The following ERCC6L2 variants were observed in gnomAD, a reference collection of about 807,000 sequenced individuals.
ERCC6L2 encodes the protein DNA excision repair protein ERCC-6-like 2.
In ERCC6L2, 77 loss-of-function variants were observed where a neutral mutation model predicts 132.0. The ratio of observed to expected loss-of-function variants is 0.58; its 90% CI spans 0.49 to 0.71. ERCC6L2 has a LOEUF of 0.71. ERCC6L2 is among the 30% of genes least tolerant of loss of function. ERCC6L2 has a pLI of 0.00. For missense variants in ERCC6L2, 1,542 were observed against 1,837.6 expected, an observed-to-expected ratio of 0.84 and a Z score of 2.94; for synonymous variants, 583 against 632.4, an observed-to-expected ratio of 0.92 and a Z score of 1.17.
At chr9:96,002,204 A>G (rs1390864775) in intron 17 of ERCC6L2, among the ~76,000 whole-genome samples, 1 of 152,224 alleles carries the variant, frequency 6.6e-6, no homozygotes, top group African/African-American at 2.4e-5. Context: ...CTCAAATGCC[A>G]CCAAAGTGGG....
At position 95,941,540 on chromosome 9, in the gene ERCC6L2, C is replaced by A; in HGVS notation, c.1838C>A (p.Ala613Asp). 6.2e-7 allele frequency: 1 copy of A among 1,609,596 alleles called. No individual in the cohort carries two copies. Among genetic ancestry groups the A allele is most frequent in the Non-Finnish European group, 8.5e-7 (1 of 1,176,338 alleles). Residue 613 changes from alanine to aspartate, a missense_variant, in exon 12 of 19, where the codon GCC becomes GAC. This residue lies in a region of ERCC6L2 where 945 missense variants were observed against 1,105.2 expected (regional missense o/e 0.86). Transcript: ENST00000653738. ...TGGAATCCAGCCAATGATCTTCAAGCCATTGACAGGTATAATACTGACAAA... is the reference window on the plus strand; with the variant it reads ...TGGAATCCAGCCAATGATCTTCAAGACATTGACAGGTATAATACTGACAAA... ...PTWNPANDLQ[A>D]IDRAYRIGQC...
chr9:95,975,177 T>C (rs2133094225), intron 16 of ERCC6L2, among the ~76,000 whole-genome samples: 1 of 152,280 alleles, frequency 6.6e-6, no homozygotes, highest in African/African-American at 2.4e-5. Context: ...TACTCCCCTC[T>C]TAGACTTCAC....
chr9:95,999,924 C>G lies in ERCC6L2; in HGVS notation c.3493-4596C>G, dbSNP rs552022529. Among the ~76,000 whole-genome samples, 4 of 151,132 alleles carry G rather than the reference C, an allele frequency of 2.6e-5. No individual in the cohort carries two copies. In the South Asian group the frequency reaches 8.4e-4, roughly 32 times the overall value. ...TTTTTTTTTTTGAGACAGTCTCACT[C>G]CATTGCCAGGCTGGAGTGCAGTGAC... is the stretch of plus-strand genomic sequence containing the variant. On this transcript the variant is annotated intron_variant, in intron 17 of 18. Transcript: ENST00000653738.
At position 95,880,890 on chromosome 9, in the gene ERCC6L2, G is replaced by A. The variant is rs755738672; in HGVS notation, c.68G>A (p.Arg23Lys). Reference sequence around the variant, plus strand: ...GCAGACATATGGCATCCAGGAGAAAGATGTCTTGCCCCTTCTCCAGATAAT... The same window carrying A: ...GCAGACATATGGCATCCAGGAGAAAAATGTCTTGCCCCTTCTCCAGATAAT... ...SGKDIWHPGE[R>K]CLAPSPDNGK... The change falls in exon 2 of 19, where the codon AGA becomes AAA. Residue 23 changes from arginine (R) to lysine (K), a missense_variant. Around this residue, in one of 4 missense-constraint regions of ERCC6L2, gnomAD observed 153 missense variants for 132.3 expected, o/e 1.16. Coordinates refer to ENST00000653738, the MANE Select transcript of ERCC6L2 (RefSeq NM_020207.7). 39 of 1,608,300 alleles carry A rather than the reference G, an allele frequency of 2.4e-5. No individual in the cohort carries two copies. Among genetic ancestry groups the A allele is most frequent in the Non-Finnish European group, 3.3e-5 (39 of 1,177,214 alleles).
chr9:95,878,224 C>T (rs1206213852), intron 1 of ERCC6L2, among the ~76,000 whole-genome samples: 1 of 152,158 alleles, frequency 6.6e-6, no homozygotes, highest in African/African-American at 2.4e-5. Flanking sequence ...TATGTATTGT[C>T]TGGTTGCTTT....
At chr9:95,943,271 G>A (rs1314229723) in intron 12 of ERCC6L2, among the ~76,000 whole-genome samples, 1 of 152,122 alleles carries the variant, frequency 6.6e-6, no homozygotes, top group Non-Finnish European at 1.5e-5. Context: ...TAAGGGTAGA[G>A]GTGGGTAAAG....
At chr9:96,024,731 C>A (rs1470816441) in intron 19 of ERCC6L2, among the ~76,000 whole-genome samples, 1 of 152,158 alleles carries the variant, frequency 6.6e-6, no homozygotes, top group African/African-American at 2.4e-5. Flanking sequence ...CAGGTGCACA[C>A]CCTGTTGCTT....
chr9:95,986,272 TAAC>T (rs1428054641), intron 17 of ERCC6L2, among the ~76,000 whole-genome samples: 6 of 152,162 alleles, frequency 3.9e-5, no homozygotes, highest in Admixed American at 2.6e-4. Flanking sequence ...CTAATTCAAA[TAAC>T]AGCAGGTCTG....
intron 17 of ERCC6L2, among the ~76,000 whole-genome samples, chr9:95,998,181 C>T (rs1189999324): frequency 1.3e-5 from 2 of 151,986 alleles, no homozygotes; most frequent in East Asian, 3.9e-4. Context: ...CTCAAATGTG[C>T]AAATACAGCT....
At chr9:95,897,714 A>G (rs1230915336) in intron 2 of ERCC6L2, 135 bp from the exon 3 acceptor site, 2 of 882,512 alleles carry the variant, frequency 2.3e-6, no homozygotes, top group East Asian at 2.6e-5. Flanking sequence ...ATCAGTACTA[A>G]TATTTCATGT....
chr9:95,907,354 T>TC, intron 4 of ERCC6L2, 83 bp downstream of exon 4: 5 of 1,119,848 alleles, frequency 4.5e-6, no homozygotes, highest in Non-Finnish European at 6.0e-6. Flanking sequence ...TTTTTTTTTT[T>TC]TTTGAGACAG....
intron 2 of ERCC6L2, among the ~76,000 whole-genome samples, chr9:95,883,385 C>G (rs1193751320): frequency 6.6e-6 from 1 of 152,124 alleles, no homozygotes; most frequent in African/African-American, 2.4e-5. Flanking sequence ...GGTCTTAGAC[C>G]GAACCCGTGG....
intron 18 of ERCC6L2, among the ~76,000 whole-genome samples, chr9:96,007,562 A>C (rs144100366): frequency 1.3e-5 from 2 of 152,328 alleles, no homozygotes; most frequent in Non-Finnish European, 2.9e-5. Context: ...AATGGTCTGG[A>C]AGCAGCATTG....
At chr9:96,027,387 C>T (rs1264684248) in intron 19 of ERCC6L2, among the ~76,000 whole-genome samples, 1 of 152,182 alleles carries the variant, frequency 6.6e-6, no homozygotes, top group Non-Finnish European at 1.5e-5. Flanking sequence ...CCAGGCCCCG[C>T]GGGCTGCGGG....
chr9:96,020,898 C>T (rs745834940), downstream of ERCC6L2: 1 of 456,720 alleles, frequency 2.2e-6, no homozygotes, highest in South Asian at 1.5e-5. Flanking sequence ...GTTGGCCAGG[C>T]GTAGAGTGCT....
chr9:95,895,795 C>T (rs557086011), intron 2 of ERCC6L2, among the ~76,000 whole-genome samples: 10 of 149,508 alleles, frequency 6.7e-5, no homozygotes, highest in Non-Finnish European at 1.2e-4. Context: ...TGCGCGATCT[C>T]GGCTCACTGC....
At chr9:95,951,581 G>A (rs1297679445) in intron 12 of ERCC6L2, among the ~76,000 whole-genome samples, 1 of 152,034 alleles carries the variant, frequency 6.6e-6, no homozygotes, top group Non-Finnish European at 1.5e-5. Flanking sequence ...AGAGAAAGAA[G>A]ACTCAAATAA....
At chr9:95,892,976 A>T (rs1246885513) in intron 2 of ERCC6L2, among the ~76,000 whole-genome samples, 1 of 152,198 alleles carries the variant, frequency 6.6e-6, no homozygotes, top group Admixed American at 6.5e-5. Context: ...ATTCAGAAAC[A>T]GTCTGATTTG....
Position 95,969,236 on chromosome 9 carries a change from A to C in ERCC6L2, c.2101-1340A>C, listed in dbSNP as rs80069617. On this transcript the variant is annotated intron_variant, in intron 14 of 18. Transcript: ENST00000653738. The stretch of plus-strand genomic sequence containing the variant: ...ACTTTGACTTTTACTTGAATGAGAC[A>C]AAAAGCAATTAGAGGGTTCTGAACA... 1.4e-4 allele frequency among the ~76,000 whole-genome samples: 22 copies of C among 152,308 alleles called. No homozygotes were observed. In the East Asian group the frequency reaches 2.3e-3, roughly 16 times the overall value.
Sources: allele counts gnomAD v4.1 joint callset (sites outside exome capture counted in the v4.1 genomes callset), GRCh38; gene constraint gnomAD v4.1.1; regional missense constraint gnomAD v4.1.1; transcripts MANE v1.5; gene names NCBI Gene and HGNC (gene_info 2026-07-23, HGNC 2026-07-21).